The following DUOX1 variants were observed in gnomAD, a reference collection of about 807,000 sequenced individuals.
The protein encoded by DUOX1 is NADPH thyroid oxidase 1.
Under a neutral mutation model 181.8 loss-of-function variants are expected in DUOX1, and 134 were observed. That is an observed-to-expected ratio of 0.74 (90% CI 0.64 to 0.85). DUOX1 has a LOEUF of 0.85. Ranked by LOEUF, DUOX1 falls within the 40% of genes least tolerant of loss-of-function variation. The pLI is 0.00. For missense variants in DUOX1, 1,814 were observed against 2,064.4 expected, an observed-to-expected ratio of 0.88 and a Z score of 2.35; for synonymous variants, 798 against 832.5, an observed-to-expected ratio of 0.96 and a Z score of 0.71.
intron 16 of DUOX1, among the ~76,000 whole-genome samples, chr15:45,143,549 A>G (rs1442990649): frequency 6.6e-6 from 1 of 152,202 alleles, no homozygotes; most frequent in African/African-American, 2.4e-5. Context: ...TTACAGGGTC[A>G]CTATGACTTA....
chr15:45,161,720 C>T lies in DUOX1; in HGVS notation c.3857-18C>T. ...CTGGGTTCAGGGCAGCAGCTTCTCA[C>T]CCACCATCCCTCCCCAGGAGTGACC... is the stretch of plus-strand genomic sequence containing the variant. On this transcript the variant is annotated intron_variant, in intron 29 of 33. Coordinates refer to ENST00000389037, the MANE Select transcript of DUOX1 (RefSeq NM_175940.3). 6.2e-7 allele frequency: 1 copy of T among 1,611,060 alleles called. No individual in the cohort carries two copies. Among genetic ancestry groups the T allele is most frequent in the Non-Finnish European group, 8.5e-7 (1 of 1,178,668 alleles).
intron 26 of DUOX1, 150 bp downstream of exon 26, chr15:45,153,629 C>G (rs1020544403): frequency 1.1e-6 from 1 of 894,446 alleles, no homozygotes; most frequent in Non-Finnish European, 1.8e-6. Flanking sequence ...ACAGGACAGA[C>G]AGTGACCAGC....
chr15:45,148,159 G>A, intron 20 of DUOX1, 113 bp from the exon 21 acceptor site: 1 of 1,540,064 alleles, frequency 6.5e-7, no homozygotes, highest in Non-Finnish European at 8.9e-7. Context: ...GATGTGGCCA[G>A]TCGGGGCCCC....
intron 15 of DUOX1, among the ~76,000 whole-genome samples, chr15:45,142,446 C>G (rs943549697): frequency 2.6e-5 from 4 of 152,126 alleles, no homozygotes; most frequent in Non-Finnish European, 4.4e-5. Context: ...AGGGCTAAGA[C>G]GGGGCGCGGT....
intron 23 of DUOX1, among the ~76,000 whole-genome samples, chr15:45,151,588 G>C (rs895748034): frequency 6.6e-6 from 1 of 152,182 alleles, no homozygotes; most frequent in African/African-American, 2.4e-5. Flanking sequence ...GGGAGCTACA[G>C]ACTGGAAGGA....
chr15:45,162,449 C>G, intron 31 of DUOX1, 72 bp downstream of exon 31: 1 of 1,549,146 alleles, frequency 6.5e-7, no homozygotes, highest in Non-Finnish European at 8.7e-7. Context: ...CTGTGCCTTT[C>G]TCCTCTGCCT....
At chr15:45,147,390 A>G in intron 18 of DUOX1, 43 bp from the exon 19 acceptor site, 1 of 1,592,968 alleles carries the variant, frequency 6.3e-7, no homozygotes, top group Non-Finnish European at 8.6e-7. Context: ...AAGTCAAGGA[A>G]GCCTTGTCTC....
intron 18 of DUOX1, 132 bp downstream of exon 18, chr15:45,145,212 T>C (rs758686566): frequency 2.3e-6 from 2 of 859,402 alleles, no homozygotes; most frequent in Non-Finnish European, 3.4e-6. Flanking sequence ...CAATTTTGGA[T>C]GAATCACCAG....
Position 45,154,060 on chromosome 15 carries a change from T to C in DUOX1, c.3574+60T>C, listed in dbSNP as rs1896906538. 7 of 1,530,688 alleles carry C rather than the reference T, an allele frequency of 4.6e-6. No homozygotes were observed. The South Asian group carries it at 7.8e-5, about 17-fold the overall frequency. 94.8% of individuals were successfully genotyped at this position (1,530,688 alleles called of 1,614,324 possible). On this transcript the variant is annotated intron_variant, in intron 27 of 33. Coordinates refer to ENST00000389037, the MANE Select transcript of DUOX1 (RefSeq NM_175940.3). ...CTGACTGTGAGTTCAAGGCTCTGGG[T>C]TCTCTGCACCCCAGAGCAACCCACG...
rs1444747345 is a variant in DUOX1, at chr15:45,165,385, G to C, written c.*484G>C. 1 of 157,986 alleles carries C rather than the reference G, an allele frequency of 6.3e-6. No homozygotes were observed. The highest frequency in any genetic ancestry group is 1.4e-5 in the Non-Finnish European group (1 of 71,820). The allele number at this position is 157,986 out of a possible 1,614,324, so 9.8% of individuals were successfully genotyped here. A position where few individuals can be genotyped will look rare whatever the true frequency, so the allele number is the denominator to read the frequency against. On this transcript the variant is annotated 3_prime_UTR_variant, in exon 34 of 34. Coordinates refer to ENST00000389037, the MANE Select transcript of DUOX1 (RefSeq NM_175940.3). ...TGGCAAATGCCTTGCAGGAGGTAGA[G>C]GCTGGACCCATGGCAAGCCATTTAC... is the stretch of plus-strand genomic sequence containing the variant.
rs763271634 is a variant in DUOX1 at position 45,139,527 on chromosome 15, G to C, written c.1317G>C (p.Arg439Ser). Reference protein sequence around the residue: ...DLGLPSYTKARAALGLSPITR... With the variant: ...DLGLPSYTKASAALGLSPITR... ...GCCTGCCCTCTTACACCAAGGCCAG[G>C]GCAGCACTGGGCTTGTCTCCCATTA... Residue 439 changes from arginine to serine, a missense_variant, in exon 12 of 34, where the codon AGG becomes AGC. Physicochemically the swap from Arg to Ser is moderately radical, Grantham distance 110. This residue lies in a region of DUOX1 where 1,064 missense variants were observed against 1,152.9 expected (regional missense o/e 0.92). Transcript: ENST00000389037. The C allele has an allele frequency of 6.2e-7, 1 of 1,613,204 alleles. No individual in the cohort carries two copies. Among genetic ancestry groups the C allele is most frequent in the South Asian group, 1.1e-5 (1 of 90,874 alleles).
At chr15:45,138,365 G>A (rs1242812279) in intron 10 of DUOX1, among the ~76,000 whole-genome samples, 1 of 152,098 alleles carries the variant, frequency 6.6e-6, no homozygotes, top group African/African-American at 2.4e-5. Context: ...CGTCCTGTAG[G>A]CCTTGGAGTA....
At position 45,141,005 on chromosome 15, in the gene DUOX1, C is replaced by T. The variant is rs767254275; in HGVS notation, c.1500C>T (p.Ile500=). 18 of 1,614,090 alleles carry T rather than the reference C, an allele frequency of 1.1e-5. No homozygotes were observed. Among genetic ancestry groups the T allele is most frequent in the Non-Finnish European group, 1.4e-5 (17 of 1,180,040 alleles). ...ACCCTGGACCTCTGTTCAGCACCAT[C>T]GTCCTTGAACAATTTGTGCGGCTAC... ...HRDPGPLFST[I]VLEQFVRLRD... is the part of the protein sequence containing the mutation. Residue 500 remains isoleucine, a synonymous_variant, in exon 13 of 34, where the codon ATC becomes ATT. Coordinates refer to ENST00000389037, the MANE Select transcript of DUOX1 (RefSeq NM_175940.3).
intron 12 of DUOX1, 126 bp from the exon 13 acceptor site, chr15:45,140,769 T>C (rs1896468371): frequency 3.2e-6 from 3 of 926,066 alleles, no homozygotes; most frequent in Non-Finnish European, 5.0e-6. Flanking sequence ...AAGCACTGTA[T>C]AGGAGTGAGT....
rs150083021 is a variant in DUOX1 at position 45,134,194 on chromosome 15, C to T, written c.192C>T (p.Tyr64=). The T allele has an allele frequency of 3.8e-5, 59 of 1,559,132 alleles. No homozygotes were observed. The African/African-American group carries it at 6.1e-4, about 16-fold the overall frequency. Residue 64 remains tyrosine, a synonymous_variant, in exon 4 of 34, where the codon TAC becomes TAT. Transcript: ENST00000389037. ...LVPASYADGV[Y]QPLGEPHLPN... ...CAGCCAGCTATGCAGATGGCGTGTA[C>T]CAGCCCTTGGGAGAACCCCACCTGC...
chr15:45,148,527 A>G, intron 21 of DUOX1, 80 bp downstream of exon 21: 1 of 1,448,180 alleles, frequency 6.9e-7, no homozygotes, highest in South Asian at 1.4e-5. Flanking sequence ...AGGAGTCCAC[A>G]GAAATGTTTT....
Position 45,151,140 on chromosome 15 carries a change from G to C in DUOX1, c.2906G>C (p.Ser969Thr). 6.2e-7 allele frequency: 1 copy of C among 1,614,158 alleles called. No individual in the cohort carries two copies. Among genetic ancestry groups the C allele is most frequent in the Non-Finnish European group, 8.5e-7 (1 of 1,180,014 alleles). The change falls in exon 23 of 34, where the codon AGT becomes ACT. Residue 969 changes from serine to threonine, a missense_variant. Transcript: ENST00000389037. ...QDMICPSPRVSARCSRSDIET... is the reference protein window; with the variant it reads ...QDMICPSPRVTARCSRSDIET... ...TGTCTTAGTCCCTCTCCCAGAGTGAGTGCCCGCTGTTCCCGCAGCGACATT... is the reference window on the plus strand; with the variant it reads ...TGTCTTAGTCCCTCTCCCAGAGTGACTGCCCGCTGTTCCCGCAGCGACATT...
rs1897209142 is a variant in DUOX1, at chr15:45,165,542, T to C, written c.*641T>C. The C allele has an allele frequency of 6.6e-6, 1 of 152,604 alleles. No individual in the cohort carries two copies. Among genetic ancestry groups the C allele is most frequent in the African/African-American group, 2.4e-5 (1 of 41,478 alleles). The allele number at this position is 152,604 out of a possible 1,614,324, so 9.5% of individuals were successfully genotyped here. A position where few individuals can be genotyped will look rare whatever the true frequency, so the allele number is the denominator to read the frequency against. ...CTCAGCCCTCTTCTCCCTGCTCCAGTAGTCTCCCTTCCAAATAAATCACTT... is the reference window on the plus strand; with the variant it reads ...CTCAGCCCTCTTCTCCCTGCTCCAGCAGTCTCCCTTCCAAATAAATCACTT... On this transcript the variant is annotated 3_prime_UTR_variant, in exon 34 of 34. Coordinates refer to ENST00000389037, the MANE Select transcript of DUOX1 (RefSeq NM_175940.3).
intron 28 of DUOX1, among the ~76,000 whole-genome samples, chr15:45,158,430 C>T (rs941987441): frequency 5.3e-5 from 8 of 151,982 alleles, no homozygotes; most frequent in Non-Finnish European, 1.2e-4. Flanking sequence ...ATCTGTTGGC[C>T]GAGTGCAGTG....
Sources: allele counts gnomAD v4.1 joint callset (sites outside exome capture counted in the v4.1 genomes callset), GRCh38; gene constraint gnomAD v4.1.1; regional missense constraint gnomAD v4.1.1; transcripts MANE v1.5; gene names NCBI Gene and HGNC (gene_info 2026-07-23, HGNC 2026-07-21).